The following LYST variants were observed in gnomAD, a reference collection of about 807,000 sequenced individuals.
LYST encodes the protein lysosomal trafficking regulator, also known as lysosomal-trafficking regulator.
LYST carries 192 observed loss-of-function variants against 413.6 expected under a neutral mutation model. The observed-to-expected ratio is 0.46, with a 90% CI of 0.41 to 0.52. The LOEUF is 0.52. Ranked by LOEUF, LYST falls within the 20% of genes least tolerant of loss-of-function variation. The pLI is 0.00. For missense variants in LYST, 3,815 were observed against 4,499.9 expected (o/e 0.85, Z 4.35); for synonymous variants, 1,525 against 1,567.3 (o/e 0.97, Z 0.64).
intron 19 of LYST, among the ~76,000 whole-genome samples, chr1:235,773,075 G>A (rs528105590): frequency 7.8e-4 from 118 of 152,230 alleles, no homozygotes; most frequent in African/African-American, 2.8e-3. Context: ...CCAGCATCTT[G>A]GGAAGCCGAG....
At position 235,677,543 on chromosome 1, in the gene LYST, T is replaced by A; in HGVS notation, c.10877A>T (p.Lys3626Ile). 1.2e-6 allele frequency: 2 copies of A among 1,613,346 alleles called. No homozygotes were observed. The stretch of plus-strand genomic sequence containing the variant: ...CACACTTATCAGTATACTGTATGGT[T>A]TGCAAACAAATAAGCTGGTTATCTC... ...TEEITSLFVC[K>I]PYSILISVSR... is the part of the protein sequence containing the mutation. The change falls in exon 49 of 53, where the codon AAA (lysine) becomes ATA (isoleucine). Residue 3626 changes from lysine to isoleucine, a missense_variant. Physicochemically the swap from Lys to Ile is moderately radical, Grantham distance 102 (BLOSUM62 -3). Transcript: ENST00000389793.
chr1:235,830,259 T>C lies in LYST; in HGVS notation c.159A>G (p.Leu53=), dbSNP rs373917160. Residue 53 remains leucine, a synonymous_variant, in exon 3 of 53, where the codon CTA becomes CTG. Coordinates refer to ENST00000389793, the MANE Select transcript of LYST (RefSeq NM_000081.4). The part of the protein sequence containing the change: ...GQYLVHGRGF[L]LLTKLNSIID... Reference sequence around the variant, plus strand: ...TTATAGAATTTAGCTTGGTAAGTAATAGAAATCCTCGACCATGGACAAGGT... The same window carrying C: ...TTATAGAATTTAGCTTGGTAAGTAACAGAAATCCTCGACCATGGACAAGGT... 33 of 1,613,940 alleles carry C rather than the reference T, an allele frequency of 2.0e-5. No individual in the cohort carries two copies. The highest frequency in any genetic ancestry group is 3.3e-4 in the Middle Eastern group (2 of 6,060).
In LYST at chr1:235,798,971, T is replaced by C. The variant is rs570047610; in HGVS notation, c.4006+1349A>G. Among the ~76,000 whole-genome samples, 3 of 152,330 alleles carry C rather than the reference T, an allele frequency of 2.0e-5. No homozygotes were observed. The South Asian group carries it at 6.2e-4, about 32-fold the overall frequency. On this transcript the variant is annotated intron_variant, in intron 10 of 52. Transcript: ENST00000389793. ...CTGCCTACTACAAAACACTGAACTA[T>C]ACACTTTAAATAGGTGAATGTTATG...
intron 3 of LYST, chr1:235,827,915 T>C: frequency 1.8e-6 from 1 of 542,710 alleles, no homozygotes; most frequent in Non-Finnish European, 2.3e-6. Flanking sequence ...AAAGAACTGC[T>C]ACAACTGATG....
intron 28 of LYST, among the ~76,000 whole-genome samples, chr1:235,749,842 G>A (rs562816775): frequency 6.6e-6 from 1 of 152,276 alleles, no homozygotes; most frequent in East Asian, 1.9e-4. Flanking sequence ...CAAAATGCTA[G>A]TATCTAAAGA....
In LYST at chr1:235,755,653, CAA is replaced by C. The variant is rs778982743; in HGVS notation, c.7060-8_7060-7del. 60 of 1,561,168 alleles carry C rather than the reference CAA, an allele frequency of 3.8e-5. No individual in the cohort carries two copies. Among genetic ancestry groups the C allele is most frequent in the Non-Finnish European group, 5.2e-5 (59 of 1,133,094 alleles). The stretch of plus-strand genomic sequence containing the variant: ...GCAAAATATGCATCTAATAGCTAAA[CAA>C]AAAATTTAAGTCAATTTAGATAATG... On this transcript the variant is annotated splice_polypyrimidine_tract_variant and splice_region_variant and intron_variant, in intron 24 of 52. Coordinates refer to ENST00000389793, the MANE Select transcript of LYST (RefSeq NM_000081.4).
chr1:235,737,962 T>C, intron 31 of LYST: 1 of 1,344,682 alleles, frequency 7.4e-7, no homozygotes, highest in Non-Finnish European at 9.6e-7. Context: ...CGGACGTGCA[T>C]TCTCGATTCC....
In LYST at chr1:235,761,687, G is replaced by A. The variant is rs115181034; in HGVS notation, c.6253+1033C>T. Among the ~76,000 whole-genome samples the A allele has an allele frequency of 5.2e-3, 793 of 151,882 alleles. 5 individuals are homozygous for A. The highest frequency in any genetic ancestry group is 8.1e-3 in the Non-Finnish European group (551 of 67,962). ...GGAAACTGAGATACTTTCCAACTGA[G>A]TAACTGCTGAAGTTATTGGCTAATG... On this transcript the variant is annotated intron_variant, in intron 22 of 52. Transcript: ENST00000389793.
At chr1:235,665,192 A>G (rs779389342) in intron 50 of LYST, among the ~76,000 whole-genome samples, 4 of 152,210 alleles carry the variant, frequency 2.6e-5, no homozygotes, top group Non-Finnish European at 5.9e-5. Context: ...AAGGTAAAAT[A>G]ATCATCTTTG....
Position 235,810,259 on chromosome 1 carries a change from G to C in LYST, c.559C>G (p.Leu187Val). 2 of 1,614,156 alleles carry C rather than the reference G, an allele frequency of 1.2e-6. No homozygotes were observed. The highest frequency in any genetic ancestry group is 1.7e-6 in the Non-Finnish European group (2 of 1,179,992). ...AACGATGTTAAAAAATGATGCAGCA[G>C]ATGGGGCCTTCTATGCTTATTCATT... ...IAMNKHRRPH[L>V]LHHFLTSFPK... The change falls in exon 5 of 53, where the codon CTG (leucine) becomes GTG (valine). Residue 187 changes from leucine (L) to valine (V), a missense_variant. Physicochemically the swap from Leu to Val is conservative, Grantham distance 32. Around this residue, in one of 4 missense-constraint regions of LYST, gnomAD observed 1,648 missense variants for 1,810.3 expected, o/e 0.91. Transcript: ENST00000389793.
At chr1:235,737,919 C>G (rs1409985144) in intron 31 of LYST, 1,640 of 1,159,992 alleles carry the variant, frequency 1.4e-3, no homozygotes, top group Admixed American at 9.8e-3. Flanking sequence ...GCCGACGAGT[C>G]TGGATCTCAC....
rs180915946 is a variant in LYST at position 235,779,157 on chromosome 1, G to A, written c.5214+1708C>T. On this transcript the variant is annotated intron_variant, in intron 16 of 52. Transcript: ENST00000389793. ...GCTGGGATTACAGGCATGAGCCACC[G>A]TGCCTGGCCGAGGGTACCACTTCTC... Among the ~76,000 whole-genome samples, 639 of 152,198 alleles carry A rather than the reference G, an allele frequency of 4.2e-3. 7 individuals carry two copies. The highest frequency in any genetic ancestry group is 0.019 in the South Asian group (93 of 4,824).
chr1:235,793,891 G>T (rs1671289130), intron 10 of LYST, among the ~76,000 whole-genome samples: 1 of 152,050 alleles, frequency 6.6e-6, no homozygotes, highest in Admixed American at 6.6e-5. Flanking sequence ...GGAGTGCAAT[G>T]GCATGATCTC....
chr1:235,676,067 T>C (rs1178238724), intron 50 of LYST, among the ~76,000 whole-genome samples: 1 of 152,186 alleles, frequency 6.6e-6, no homozygotes, highest in Non-Finnish European at 1.5e-5. Flanking sequence ...TTCATGAATT[T>C]TCTAACTGTT....
At chr1:235,746,676 GA>G in intron 28 of LYST, 149 bp from the exon 29 acceptor site, 2 of 677,572 alleles carry the variant, frequency 3.0e-6, no homozygotes. Flanking sequence ...GTGATTAAGA[GA>G]AAATGATGCT....
chr1:235,817,501 T>C (rs1278651908), intron 3 of LYST, among the ~76,000 whole-genome samples: 3 of 152,214 alleles, frequency 2.0e-5, no homozygotes, highest in African/African-American at 7.2e-5. Context: ...AAAGAAAATG[T>C]GGCACATATA....
rs886046157 is a variant in LYST at position 235,661,561 on chromosome 1, C to T, written c.*1379G>A. On this transcript the variant is annotated 3_prime_UTR_variant, in exon 53 of 53. Transcript: ENST00000389793. ...GCATACATGGCCACGTGCTTTCTCT[C>T]GAATCTATCTTGACAGCAGAGACTT... The T allele has an allele frequency of 6.6e-6, 1 of 152,498 alleles. No homozygotes were observed. The highest frequency in any genetic ancestry group is 2.1e-4 in the South Asian group (1 of 4,818). The allele number at this position is 152,498 out of a possible 1,614,324, so 9.4% of individuals were successfully genotyped here.
At position 235,809,512 on chromosome 1, in the gene LYST, A is replaced by G; in HGVS notation, c.1306T>C (p.Phe436Leu). 6.2e-7 allele frequency: 1 copy of G among 1,614,102 alleles called. No individual in the cohort carries two copies. ...FSQAMDLVQE[F>L]IQHHGFNLFE... Reference sequence around the variant, plus strand: ...AAATTAAATCCATGATGCTGAATGAATTCTTGAACCAAATCCATGGCTTGA... The same window carrying G: ...AAATTAAATCCATGATGCTGAATGAGTTCTTGAACCAAATCCATGGCTTGA... The change falls in exon 5 of 53, where the codon TTC becomes CTC. Residue 436 changes from phenylalanine (F) to leucine (L), a missense_variant. Phe to Leu is a conservative substitution (Grantham distance 22). Transcript: ENST00000389793. The surrounding 1 kb of genome is among the most constrained non-coding windows in gnomAD (Gnocchi z 4.0).
chr1:235,692,069 A>G (rs1230063011), intron 47 of LYST, among the ~76,000 whole-genome samples: 1 of 149,740 alleles, frequency 6.7e-6, no homozygotes, highest in Non-Finnish European at 1.5e-5. Context: ...ACAGTGGCTC[A>G]CGCATGTAAT....
Sources: allele counts gnomAD v4.1 joint callset (sites outside exome capture counted in the v4.1 genomes callset), GRCh38; gene constraint gnomAD v4.1.1; regional missense constraint gnomAD v4.1.1; non-coding constraint Gnocchi (gnomAD v3.1); transcripts MANE v1.5; gene names NCBI Gene and HGNC (gene_info 2026-07-23, HGNC 2026-07-21).